SCN9A: variants seen among roughly 807,000 people sequenced by gnomAD.
The protein encoded by SCN9A is sodium voltage-gated channel alpha subunit 9.
In SCN9A, 131 loss-of-function variants were observed where a neutral mutation model predicts 187.0. That is an observed-to-expected ratio of 0.70 (90% CI 0.61 to 0.81). The LOEUF (loss-of-function observed/expected upper bound fraction) is 0.81. Among genes scored for constraint, SCN9A ranks in the 30% least tolerant of loss-of-function variants. The pLI is 0.00. For missense variants in SCN9A, 2,252 were observed against 2,396.6 expected (o/e 0.94, Z 1.26); for synonymous variants, 809 against 808.6 (o/e 1.00, Z -0.01).
rs1279196101 is a variant in SCN9A, at chr2:166,305,046, A to G, written c.597-717T>C. On this transcript the variant is annotated intron_variant, in intron 5 of 26. Transcript: ENST00000642356. ...TGTGACCTCAAAAGGAGGGAGCCTGATGGAAAAGAGGTTAGGCAGGGATGA... is the reference window on the plus strand; with the variant it reads ...TGTGACCTCAAAAGGAGGGAGCCTGGTGGAAAAGAGGTTAGGCAGGGATGA... Among the ~76,000 whole-genome samples, 3 of 152,078 alleles carry G rather than the reference A, an allele frequency of 2.0e-5. No homozygotes were observed. In the East Asian group the frequency reaches 5.8e-4, roughly 29 times the overall value.
chr2:166,258,005 A>G (rs1696352313), intron 17 of SCN9A, among the ~76,000 whole-genome samples: 1 of 151,592 alleles, frequency 6.6e-6, no homozygotes, highest in Non-Finnish European at 1.5e-5. Context: ...TAGCAATATT[A>G]TCTCTAAGGT....
intron 17 of SCN9A, among the ~76,000 whole-genome samples, 159 bp downstream of exon 17, chr2:166,272,240 A>G (rs1697022653): frequency 6.6e-6 from 1 of 152,174 alleles, no homozygotes; most frequent in African/African-American, 2.4e-5. Context: ...AAACTTTACC[A>G]GATGAATCTT....
intron 1 of SCN9A, among the ~76,000 whole-genome samples, chr2:166,371,986 T>C (rs889307010): frequency 5.3e-5 from 8 of 152,186 alleles, no homozygotes; most frequent in Non-Finnish European, 1.0e-4. Flanking sequence ...GAAAGCTAAA[T>C]TTTCAACCAA....
At chr2:166,369,978 T>G (rs534278901) in intron 1 of SCN9A, among the ~76,000 whole-genome samples, 3 of 152,078 alleles carry the variant, frequency 2.0e-5, no homozygotes, top group Non-Finnish European at 4.4e-5. Flanking sequence ...CATAATATTT[T>G]ATTATCATGA....
intron 7 of SCN9A, chr2:166,296,277 A>G (rs571312320): frequency 6.6e-6 from 1 of 152,376 alleles, no homozygotes; most frequent in South Asian, 2.1e-4. Context: ...ATTCTGTACT[A>G]GCTGCTCAAA....
intron 1 of SCN9A, among the ~76,000 whole-genome samples, chr2:166,363,432 T>C (rs1341066577): frequency 1.3e-5 from 2 of 152,026 alleles, no homozygotes; most frequent in Non-Finnish European, 2.9e-5. Context: ...GGTCCCTAAA[T>C]TCATTAACTA....
rs543167736 is a variant in SCN9A, at chr2:166,228,888, T to C, written c.4009A>G (p.Ile1337Val). 6.2e-7 allele frequency: 1 copy of C among 1,613,720 alleles called. No homozygotes were observed. The highest frequency in any genetic ancestry group is 8.5e-7 in the Non-Finnish European group (1 of 1,179,612). Reference protein sequence around the residue: ...VCLIFWLIFSIMGVNLFAGKF... With the variant: ...VCLIFWLIFSVMGVNLFAGKF... ...CCAGCAAACAAATTTACTCCCATGA[T>C]GCTGAATATCAGCCAGAATATAAGA... The change falls in exon 22 of 27, where the codon ATC becomes GTC. Residue 1337 changes from isoleucine to valine, a missense_variant. By Grantham distance (29) the Ile-to-Val change is conservative (BLOSUM62 3). Around this residue, in one of 7 missense-constraint regions of SCN9A, gnomAD observed 368 missense variants for 408.6 expected, o/e 0.90. Transcript: ENST00000642356.
chr2:166,294,740 A>C, intron 7 of SCN9A, 78 bp from the exon 8 acceptor site: 1 of 951,860 alleles, frequency 1.1e-6, no homozygotes, highest in Admixed American at 2.6e-5. Flanking sequence ...AAATTAATTG[A>C]TATAGACATT....
intron 7 of SCN9A, among the ~76,000 whole-genome samples, chr2:166,297,305 T>G (rs193022098): frequency 2.0e-5 from 3 of 150,804 alleles, no homozygotes; most frequent in Admixed American, 2.0e-4. Context: ...CAAAAACTTG[T>G]ACATGAATGT....
chr2:166,315,720 A>T (rs554165274), intron 1 of SCN9A, among the ~76,000 whole-genome samples: 4 of 152,278 alleles, frequency 2.6e-5, no homozygotes, highest in Non-Finnish European at 4.4e-5. Context: ...TGGCAAGATG[A>T]TAGGCTGACA....
At chr2:166,299,632 A>G (rs1698469062) in intron 7 of SCN9A, among the ~76,000 whole-genome samples, 1 of 150,550 alleles carries the variant, frequency 6.6e-6, no homozygotes, top group African/African-American at 2.5e-5. Flanking sequence ...TGCTTTAAAT[A>G]CCAGGTTTCC....
chr2:166,303,619 C>G (rs915307164), intron 6 of SCN9A, among the ~76,000 whole-genome samples: 1 of 152,018 alleles, frequency 6.6e-6, no homozygotes, highest in African/African-American at 2.4e-5. Flanking sequence ...ATAAATGGCA[C>G]CAAAACAAAT....
Position 166,300,671 on chromosome 2 carries a change from A to G in SCN9A, c.901+2419T>C, listed in dbSNP as rs1350591918. ...CACCAATAAATGAAAGTTTGAATCAATTATGCAGTCAAAAATGGCTTCTAT... is the reference window on the plus strand; with the variant it reads ...CACCAATAAATGAAAGTTTGAATCAGTTATGCAGTCAAAAATGGCTTCTAT... On this transcript the variant is annotated intron_variant, in intron 7 of 26. Coordinates refer to ENST00000642356, the MANE Select transcript of SCN9A (RefSeq NM_001365536.1). 1.3e-5 allele frequency among the ~76,000 whole-genome samples: 2 copies of G among 150,916 alleles called. 1 individual carries two copies. The highest frequency in any genetic ancestry group is 5.0e-5 in the African/African-American group (2 of 40,216).
intron 1 of SCN9A, among the ~76,000 whole-genome samples, chr2:166,335,897 G>A (rs902785337): frequency 1.3e-5 from 2 of 152,194 alleles, no homozygotes; most frequent in East Asian, 3.9e-4. Context: ...GTCTGAGCAT[G>A]TACAGAGTTT....
At chr2:166,275,925 A>C (rs1173956086) in intron 16 of SCN9A, among the ~76,000 whole-genome samples, 1 of 152,146 alleles carries the variant, frequency 6.6e-6, no homozygotes, top group Non-Finnish European at 1.5e-5. Flanking sequence ...CAAGGACAAC[A>C]ATATTTTAGT....
chr2:166,227,750 G>C, intron 22 of SCN9A, 27 bp from the exon 23 acceptor site: 1 of 1,170,404 alleles, frequency 8.5e-7, no homozygotes, highest in South Asian at 1.3e-5. Context: ...AATAGAATTT[G>C]AATGTTAAGC....
chr2:166,361,093 A>G (rs1700273688), intron 1 of SCN9A, among the ~76,000 whole-genome samples: 1 of 152,154 alleles, frequency 6.6e-6, no homozygotes, highest in African/African-American at 2.4e-5. Flanking sequence ...GTTCTTATAT[A>G]GCAAACCGGA....
chr2:166,217,155 C>T (rs1694366575), intron 24 of SCN9A, among the ~76,000 whole-genome samples: 1 of 151,942 alleles, frequency 6.6e-6, no homozygotes, highest in Admixed American at 6.6e-5. Flanking sequence ...ACTGAATATT[C>T]CTTATGCAAA....
At position 166,272,475 on chromosome 2, in the gene SCN9A, G is replaced by A; in HGVS notation, c.3275C>T (p.Ala1092Val). Reference sequence around the variant, plus strand: ...ATTTTCCAAATCGGATTCCCCAGGTGCAATTGGCACTGTCACTGTGAGGCT... The same window carrying A: ...ATTTTCCAAATCGGATTCCCCAGGTACAATTGGCACTGTCACTGTGAGGCT... Reference protein sequence around the residue: ...NPSLTVTVPIAPGESDLENMN... With the variant: ...NPSLTVTVPIVPGESDLENMN... The change falls in exon 17 of 27, where the codon GCA becomes GTA. Residue 1092 changes from alanine (A) to valine (V), a missense_variant. Around this residue, in one of 7 missense-constraint regions of SCN9A, gnomAD observed 313 missense variants for 295.3 expected, o/e 1.06. Transcript: ENST00000642356. 1 of 1,612,636 alleles carries A rather than the reference G, an allele frequency of 6.2e-7. No individual in the cohort carries two copies. The highest frequency in any genetic ancestry group is 8.5e-7 in the Non-Finnish European group (1 of 1,179,338).
Sources: gnomAD v4.1 joint callset for allele counts (sites outside exome capture counted in the v4.1 genomes callset) on GRCh38, gnomAD v4.1.1 for gene constraint, gnomAD v4.1.1 regional missense constraint, MANE v1.5 for transcripts, NCBI Gene and HGNC (gene_info 2026-07-23, HGNC 2026-07-21) for gene names.